Variants in PPP2R2B observed in about 807,000 individuals in gnomAD.
The protein encoded by PPP2R2B is serine/threonine-protein phosphatase 2A 55 kDa regulatory subunit B beta isoform.
PPP2R2B carries 5 observed loss-of-function variants against 46.0 expected under a neutral mutation model. The ratio of observed to expected loss-of-function variants is 0.11; its 90% CI spans 0.06 to 0.23. The LOEUF is 0.23. Among genes scored for constraint, PPP2R2B ranks in the 10% least tolerant of loss-of-function variants. The pLI, the probability that PPP2R2B is intolerant of heterozygous loss-of-function variation, is 1.00. For missense variants in PPP2R2B, 367 were observed against 575.0 expected (o/e 0.64, Z 3.70); for synonymous variants, 215 against 206.7 (o/e 1.04, Z -0.34).
At chr5:146,774,588 G>A (rs1185516126) in intron 2 of PPP2R2B, among the ~76,000 whole-genome samples, 2 of 152,100 alleles carry the variant, frequency 1.3e-5, no homozygotes, top group Admixed American at 1.3e-4. Flanking sequence ...AGGCCAAGGT[G>A]GGCGGATCAC....
chr5:147,057,088 C>A (rs920608832), upstream of PPP2R2B, among the ~76,000 whole-genome samples: 2 of 152,150 alleles, frequency 1.3e-5, no homozygotes, highest in East Asian at 3.9e-4. Context: ...TTTAACTCAG[C>A]ATTGGAGAAA....
chr5:146,677,147 C>A (rs1438872156), intron 5 of PPP2R2B, among the ~76,000 whole-genome samples: 1 of 152,178 alleles, frequency 6.6e-6, no homozygotes, highest in Non-Finnish European at 1.5e-5. Flanking sequence ...TTTAAAAATT[C>A]AAGCTTTCAG....
chr5:146,915,474 G>A (rs1378751314), intron 1 of PPP2R2B, among the ~76,000 whole-genome samples: 4 of 129,540 alleles, frequency 3.1e-5, no homozygotes, highest in Non-Finnish European at 6.7e-5. Context: ...ACACACACAC[G>A]TACACATGTG....
intron 2 of PPP2R2B, among the ~76,000 whole-genome samples, chr5:146,709,461 C>T (rs1046671256): frequency 6.6e-6 from 1 of 152,194 alleles, no homozygotes; most frequent in African/African-American, 2.4e-5. Context: ...TTTAGCCTCC[C>T]TTGTGGCTAG....
intron 1 of PPP2R2B, among the ~76,000 whole-genome samples, chr5:146,897,222 A>G (rs1762673947): frequency 6.6e-6 from 1 of 152,196 alleles, no homozygotes; most frequent in African/African-American, 2.4e-5. Flanking sequence ...GCAAAAACCT[A>G]GAGAGAGTTA....
chr5:147,018,224 A>T (rs994162855), intron 1 of PPP2R2B, among the ~76,000 whole-genome samples: 32 of 152,258 alleles, frequency 2.1e-4, no homozygotes, highest in African/African-American at 7.2e-4. Context: ...ATTTTGTATG[A>T]CTTCGAAAGG....
rs192801873 is a variant in PPP2R2B at position 146,818,282 on chromosome 5, C to T, written c.70+59720G>A. Among the ~76,000 whole-genome samples, 54 of 151,880 alleles carry T rather than the reference C, an allele frequency of 3.6e-4. No individual in the cohort carries two copies. In the East Asian group the frequency reaches 5.4e-3, roughly 15 times the overall value. On this transcript the variant is annotated intron_variant, in intron 2 of 9. Transcript: ENST00000394411. ...GTACTGTGTCTGGCACATAAGACAGCCAAACGATATTTGTTGAATAATTAA... is the reference window on the plus strand; with the variant it reads ...GTACTGTGTCTGGCACATAAGACAGTCAAACGATATTTGTTGAATAATTAA...
Position 146,878,643 on chromosome 5 carries a change from G to T in PPP2R2B, c.-177C>A. On this transcript the variant is annotated 5_prime_UTR_variant, in exon 1 of 10. Transcript: ENST00000394411. This position sits in a 1 kb window ranked among gnomAD's most constrained non-coding sequence, Gnocchi z 4.5. ...CGGGAGGGCGGCTCCGGCAGGCGGG[G>T]GTAGGGAAGCTGGCGGGGAGCTGGG... 1.6e-6 allele frequency: 2 copies of T among 1,260,750 alleles called. No individual in the cohort carries two copies. Among genetic ancestry groups the T allele is most frequent in the Non-Finnish European group, 2.1e-6 (2 of 974,230 alleles). The allele number at this position is 1,260,750 out of a possible 1,614,324, so 78.1% of individuals were successfully genotyped here. A position where few individuals can be genotyped will look rare whatever the true frequency, so the allele number is the denominator to read the frequency against.
intron 8 of PPP2R2B, among the ~76,000 whole-genome samples, chr5:146,594,991 C>T (rs1032127419): frequency 2.0e-5 from 3 of 152,218 alleles, no homozygotes; most frequent in Non-Finnish European, 2.9e-5. Context: ...GGCAAAGGAA[C>T]GAGGTCAGGC....
intron 1 of PPP2R2B, among the ~76,000 whole-genome samples, chr5:146,903,168 C>A (rs1762888762): frequency 6.6e-6 from 1 of 152,058 alleles, no homozygotes. Context: ...TTCATAAAAG[C>A]ATGCCATTGA....
At chr5:146,988,919 CATT>C (rs1327527891) in intron 1 of PPP2R2B, among the ~76,000 whole-genome samples, 1 of 151,800 alleles carries the variant, frequency 6.6e-6, no homozygotes, top group Admixed American at 6.6e-5. Flanking sequence ...AAAAAGATGA[CATT>C]ATAACTGATG....
chr5:146,683,161 T>C (rs1778283955), intron 5 of PPP2R2B, among the ~76,000 whole-genome samples: 1 of 152,134 alleles, frequency 6.6e-6, no homozygotes, highest in Non-Finnish European at 1.5e-5. Context: ...AGCCATGACC[T>C]AGTTTCATGT....
chr5:147,046,746 T>C (rs1249856534), intron 1 of PPP2R2B, among the ~76,000 whole-genome samples: 1 of 152,000 alleles, frequency 6.6e-6, no homozygotes, highest in East Asian at 1.9e-4. Context: ...CTCACTATTT[T>C]TACCTGTAAA....
At chr5:146,777,114 C>G (rs1398772575) in intron 2 of PPP2R2B, among the ~76,000 whole-genome samples, 1 of 152,040 alleles carries the variant, frequency 6.6e-6, no homozygotes, top group Non-Finnish European at 1.5e-5. Flanking sequence ...CCAGCAATTC[C>G]ACTCCTAGGC....
chr5:146,773,517 A>C (rs760793462), intron 2 of PPP2R2B, among the ~76,000 whole-genome samples: 2 of 152,208 alleles, frequency 1.3e-5, no homozygotes, highest in African/African-American at 4.8e-5. Flanking sequence ...TGCATTCTCC[A>C]TTGTATTAGC....
chr5:146,907,518 G>T (rs951386279), intron 1 of PPP2R2B, among the ~76,000 whole-genome samples: 1 of 152,186 alleles, frequency 6.6e-6, no homozygotes, highest in African/African-American at 2.4e-5. Context: ...GCATCTCTGT[G>T]CTGCCTGGTC....
At chr5:147,027,756 G>A (rs1399464980) in intron 1 of PPP2R2B, among the ~76,000 whole-genome samples, 2 of 152,102 alleles carry the variant, frequency 1.3e-5, no homozygotes, top group African/African-American at 2.4e-5. Context: ...ATCAATGGGA[G>A]TATATATGTG....
chr5:146,941,511 T>C (rs1864981), intron 1 of PPP2R2B, among the ~76,000 whole-genome samples: 72,793 of 151,912 alleles, frequency 0.48, 19,994 homozygotes, highest in East Asian at 0.73. Context: ...CTTCTGTTGC[T>C]TAGGGGTGTG....
intron 5 of PPP2R2B, among the ~76,000 whole-genome samples, chr5:146,660,923 C>G (rs1001038476): frequency 6.6e-6 from 1 of 152,182 alleles, no homozygotes; most frequent in Non-Finnish European, 1.5e-5. Context: ...ACATTAATGT[C>G]TCTAAGTAAA....
Sources: allele counts gnomAD v4.1 joint callset (sites outside exome capture counted in the v4.1 genomes callset), GRCh38; gene constraint gnomAD v4.1.1; non-coding constraint Gnocchi (gnomAD v3.1); transcripts MANE v1.5; gene names NCBI Gene and HGNC (gene_info 2026-07-23, HGNC 2026-07-21).